Variants in UBTD2 observed in about 807,000 individuals in gnomAD.
UBTD2 encodes ubiquitin domain-containing protein 2.
In UBTD2, 9 loss-of-function variants were observed where a neutral mutation model predicts 19.8. The ratio of observed to expected loss-of-function variants is 0.46; its 90% CI spans 0.27 to 0.79. The LOEUF (loss-of-function observed/expected upper bound fraction) is 0.79, where lower values mean the gene tolerates loss of function less well. Among genes scored for constraint, UBTD2 ranks in the 30% least tolerant of loss-of-function variants. UBTD2 has a pLI of 0.14. For synonymous variants in UBTD2, 98 were observed against 103.9 expected (o/e 0.94, Z 0.35); for missense variants, 250 against 300.4 (o/e 0.83, Z 1.24).
chr5:172,240,168 A>G (rs1226602670), intron 1 of UBTD2, among the ~76,000 whole-genome samples: 1 of 152,216 alleles, frequency 6.6e-6, no homozygotes, highest in Non-Finnish European at 1.5e-5. Flanking sequence ...TATCTAATCT[A>G]CCACTTAATC....
At position 172,255,322 on chromosome 5, in the gene UBTD2, T is replaced by C. The variant is rs80149600; in HGVS notation, c.71-20964A>G. The C allele has an allele frequency of 2.5e-4, 114 of 455,306 alleles. No individual in the cohort carries two copies. In the East Asian group the frequency reaches 3.9e-3, roughly 15 times the overall value. 28.2% of individuals were successfully genotyped at this position (455,306 alleles called of 1,614,324 possible). On this transcript the variant is annotated intron_variant, in intron 1 of 2. Transcript: ENST00000393792. ...GAACTCATCAGGCAATTGTGTGGAG[T>C]AGATGACCCCATACTTGTTGGGCTT...
intron 1 of UBTD2, among the ~76,000 whole-genome samples, chr5:172,247,219 C>T (rs1291392371): frequency 1.3e-5 from 2 of 151,976 alleles, no homozygotes; most frequent in Non-Finnish European, 2.9e-5. Context: ...GCTATACTAT[C>T]ATTAGACAAA....
intron 1 of UBTD2, among the ~76,000 whole-genome samples, chr5:172,278,944 A>C (rs942495966): frequency 9.2e-5 from 14 of 151,990 alleles, no homozygotes; most frequent in African/African-American, 3.4e-4. Context: ...CACCCGGCTA[A>C]TTTTTGTATT....
intron 1 of UBTD2, among the ~76,000 whole-genome samples, chr5:172,282,132 G>A (rs995020094): frequency 3.9e-5 from 6 of 152,120 alleles, no homozygotes; most frequent in African/African-American, 1.4e-4. Context: ...AAACACTAGC[G>A]ATAACAAATA....
rs1352203115 is a variant in UBTD2, at chr5:172,210,108, C to T, written c.*1722G>A. The T allele has an allele frequency of 6.6e-6, 1 of 152,112 alleles. No individual in the cohort carries two copies. The highest frequency in any genetic ancestry group is 6.5e-5 in the Admixed American group (1 of 15,280). The allele number at this position is 152,112 out of a possible 1,614,324, so 9.4% of individuals were successfully genotyped here. ...TTTGGGATTAATGCTGTGGTCTTCA[C>T]TTGAATTTAGATTCAATCATCAGCA... On this transcript the variant is annotated 3_prime_UTR_variant, in exon 3 of 3. Coordinates refer to ENST00000393792, the MANE Select transcript of UBTD2 (RefSeq NM_152277.3).
intron 1 of UBTD2, among the ~76,000 whole-genome samples, chr5:172,235,044 C>T (rs1771980476): frequency 6.6e-6 from 1 of 152,114 alleles, no homozygotes. Flanking sequence ...AATCTCTGTA[C>T]CTTCCTCTCA....
intron 1 of UBTD2, among the ~76,000 whole-genome samples, chr5:172,257,205 T>C (rs1451523837): frequency 6.6e-6 from 1 of 152,212 alleles, no homozygotes; most frequent in Non-Finnish European, 1.5e-5. Context: ...ACTCAATGTT[T>C]AGCTCCCACT....
At chr5:172,264,802 G>A (rs932155036) in intron 1 of UBTD2, among the ~76,000 whole-genome samples, 3 of 152,068 alleles carry the variant, frequency 2.0e-5, no homozygotes, top group African/African-American at 4.8e-5. Context: ...CTTGAGCCCA[G>A]GAGGTCAAGG....
chr5:172,254,649 G>A (rs572050580), intron 1 of UBTD2: 1 of 603,800 alleles, frequency 1.7e-6, no homozygotes, highest in Middle Eastern at 2.7e-4. Flanking sequence ...CCTCCACTTC[G>A]AGTATCCGGG....
At chr5:172,231,102 T>C (rs542518688) in intron 2 of UBTD2, among the ~76,000 whole-genome samples, 1 of 152,298 alleles carries the variant, frequency 6.6e-6, no homozygotes, top group East Asian at 1.9e-4. Context: ...ATCTCAAACA[T>C]GTAATTACAC....
intron 2 of UBTD2, among the ~76,000 whole-genome samples, chr5:172,221,201 C>G (rs1353340843): frequency 1.3e-5 from 2 of 151,892 alleles, no homozygotes; most frequent in Non-Finnish European, 2.9e-5. Context: ...GATGCAAATC[C>G]CAATCAAAAT....
chr5:172,223,789 C>T (rs1455930710), intron 2 of UBTD2, among the ~76,000 whole-genome samples: 1 of 151,670 alleles, frequency 6.6e-6, no homozygotes, highest in Non-Finnish European at 1.5e-5. Context: ...TAGTAAGTGG[C>T]CAAGTGTATA....
chr5:172,209,714 A>C lies in UBTD2; in HGVS notation c.*2116T>G, dbSNP rs1262129632. 6.6e-6 allele frequency: 1 copy of C among 152,382 alleles called. No homozygotes were observed. Among genetic ancestry groups the C allele is most frequent in the African/African-American group, 2.4e-5 (1 of 41,366 alleles). 9.4% of individuals were successfully genotyped at this position (152,382 alleles called of 1,614,324 possible). A position where few individuals can be genotyped will look rare whatever the true frequency, so the allele number is the denominator to read the frequency against. On this transcript the variant is annotated 3_prime_UTR_variant, in exon 3 of 3. Coordinates refer to ENST00000393792, the MANE Select transcript of UBTD2 (RefSeq NM_152277.3). Reference sequence around the variant, plus strand: ...CTACATACTAAAATTATACACATCAAGTACTGGTCCAATCTTATATCAATC... The same window carrying C: ...CTACATACTAAAATTATACACATCACGTACTGGTCCAATCTTATATCAATC...
chr5:172,248,939 G>A (rs898793856), intron 1 of UBTD2, among the ~76,000 whole-genome samples: 3 of 149,560 alleles, frequency 2.0e-5, no homozygotes, highest in African/African-American at 7.3e-5. Context: ...GCCTGTCTTG[G>A]GGGGGAAGAA....
chr5:172,268,565 G>A (rs187053741), intron 1 of UBTD2, among the ~76,000 whole-genome samples: 23 of 152,214 alleles, frequency 1.5e-4, no homozygotes, highest in African/African-American at 5.1e-4. Context: ...TGGCCAACAT[G>A]GTAAAACCCC....
intron 1 of UBTD2, among the ~76,000 whole-genome samples, chr5:172,275,616 T>G (rs1259539540): frequency 6.6e-6 from 1 of 152,106 alleles, no homozygotes; most frequent in African/African-American, 2.4e-5. Flanking sequence ...TTCTTAGTAT[T>G]TTCCTCCTCT....
intron 1 of UBTD2, among the ~76,000 whole-genome samples, chr5:172,256,146 GAT>G (rs992228544): frequency 6.6e-6 from 1 of 151,996 alleles, no homozygotes; most frequent in African/African-American, 2.4e-5. Context: ...AAGAAATACT[GAT>G]AATCCGTCCT....
chr5:172,228,559 A>G (rs954059343), intron 2 of UBTD2, among the ~76,000 whole-genome samples: 1 of 152,198 alleles, frequency 6.6e-6, no homozygotes, highest in East Asian at 1.9e-4. Context: ...GGTCTCTACT[A>G]AAAATACAAA....
At chr5:172,261,072 T>C (rs954237691) in intron 1 of UBTD2, among the ~76,000 whole-genome samples, 3 of 152,152 alleles carry the variant, frequency 2.0e-5, no homozygotes, top group Non-Finnish European at 2.9e-5. Context: ...TCAGAAAACG[T>C]ACAAGCTATG....
Sources: allele counts gnomAD v4.1 joint callset (sites outside exome capture counted in the v4.1 genomes callset), GRCh38; gene constraint gnomAD v4.1.1; transcripts MANE v1.5; gene names NCBI Gene and HGNC (gene_info 2026-07-23, HGNC 2026-07-21).